The following ABR variants were observed in gnomAD, a reference collection of about 807,000 sequenced individuals.
ABR encodes the protein active breakpoint cluster region-related protein.
Under a neutral mutation model 107.2 loss-of-function variants are expected in ABR, and 35 were observed. The observed-to-expected ratio is 0.33, with a 90% CI of 0.25 to 0.43. The LOEUF (loss-of-function observed/expected upper bound fraction) is 0.43. ABR is among the 20% of genes least tolerant of loss of function. ABR has a pLI of 1.00. For synonymous variants in ABR, 498 were observed against 462.0 expected, an observed-to-expected ratio of 1.08 and a Z score of -1.00; for missense variants, 815 against 1,115.2, an observed-to-expected ratio of 0.73 and a Z score of 3.83.
intron 16 of ABR, among the ~76,000 whole-genome samples, chr17:1,026,863 A>G (rs576155998): frequency 4.7e-4 from 71 of 152,210 alleles, no homozygotes; most frequent in Non-Finnish European, 7.9e-4. Context: ...CCTCTCCAGC[A>G]CCAGCGCCCT....
rs2440047 is a variant in ABR, at chr17:1,153,650, C to T, written c.61+26017G>A. Among the ~76,000 whole-genome samples the T allele has an allele frequency of 2.5e-3, 105 of 41,488 alleles. 1 individual carries two copies. Among genetic ancestry groups the T allele is most frequent in the Middle Eastern group, 0.014 (1 of 70 alleles). 27.2% of individuals were successfully genotyped at this position (41,488 alleles called of 152,430 possible). On this transcript the variant is annotated intron_variant, in intron 1 of 22. Transcript: ENST00000302538. ...GGCACACCTACGGGAGGGCTGGGGA[C>T]CCAGGCACACCTGCGGGAGGGCTGG... is the stretch of plus-strand genomic sequence containing the variant.
At chr17:1,133,362 GT>G (rs2039928964) in intron 1 of ABR, among the ~76,000 whole-genome samples, 1 of 151,988 alleles carries the variant, frequency 6.6e-6, no homozygotes, top group Admixed American at 6.6e-5. Context: ...TATGATACTA[GT>G]TATAAATGAA....
chr17:1,124,115 T>C (rs2039479608), intron 2 of ABR, among the ~76,000 whole-genome samples: 1 of 151,978 alleles, frequency 6.6e-6, no homozygotes, highest in South Asian at 2.1e-4. Flanking sequence ...CCAAAGGCTA[T>C]AACAGCCACC....
chr17:1,012,627 C>T, intron 18 of ABR, 61 bp downstream of exon 18: 1 of 1,325,678 alleles, frequency 7.5e-7, no homozygotes, highest in Middle Eastern at 1.9e-4. Flanking sequence ...GCTGGGGGGC[C>T]CGGGCTGGGG....
chr17:1,096,708 A>C (rs2037454499), intron 3 of ABR, among the ~76,000 whole-genome samples: 1 of 139,698 alleles, frequency 7.2e-6, no homozygotes, highest in Non-Finnish European at 1.6e-5. Context: ...GGGAGGAGAG[A>C]GCTGGGGAAG....
chr17:1,049,243 C>T (rs980238998), intron 16 of ABR, among the ~76,000 whole-genome samples: 1 of 152,180 alleles, frequency 6.6e-6, no homozygotes, highest in African/African-American at 2.4e-5. Flanking sequence ...TCTCAGCTCA[C>T]TGCAACCTCT....
At chr17:1,137,560 A>G (rs993535102) in intron 1 of ABR, among the ~76,000 whole-genome samples, 2 of 152,342 alleles carry the variant, frequency 1.3e-5, no homozygotes, top group Non-Finnish European at 2.9e-5. Context: ...TGTGGTGCCC[A>G]AAACAATGAC....
In ABR at chr17:1,078,270, G is replaced by A. The variant is rs1567713927; in HGVS notation, c.700+1060C>T. On this transcript the variant is annotated intron_variant, in intron 6 of 22. Transcript: ENST00000302538. This position sits in a 1 kb window ranked among gnomAD's most constrained non-coding sequence, Gnocchi z 7.5. The stretch of plus-strand genomic sequence containing the variant: ...TCCTTCCTGCTCCCACAGCCCCTCC[G>A]TGTCCTCCGCCTACTGCTGCATGTG... 6.6e-6 allele frequency among the ~76,000 whole-genome samples: 1 copy of A among 151,990 alleles called. No individual in the cohort carries two copies. Among genetic ancestry groups the A allele is most frequent in the Admixed American group, 6.5e-5 (1 of 15,268 alleles).
intron 1 of ABR, among the ~76,000 whole-genome samples, chr17:1,207,284 GAAGT>G (rs879888533): frequency 4.0e-5 from 6 of 151,624 alleles, no homozygotes; most frequent in Admixed American, 6.6e-5. Context: ...CTCTCAAAAA[GAAGT>G]AAGGTGAGAA....
intron 12 of ABR, chr17:1,057,740 G>C (rs192275517): frequency 2.7e-4 from 137 of 505,258 alleles, no homozygotes; most frequent in African/African-American, 2.3e-3. Flanking sequence ...AGAAAGCCCA[G>C]GCTGGGCTCT....
chr17:1,060,257 A>G (rs979882105), intron 10 of ABR, among the ~76,000 whole-genome samples: 6 of 152,064 alleles, frequency 3.9e-5, no homozygotes, highest in Non-Finnish European at 7.4e-5. Context: ...CTAAAAATGC[A>G]AAAACTACCG....
At chr17:1,147,729 A>G (rs1210003565) in intron 1 of ABR, among the ~76,000 whole-genome samples, 1 of 152,008 alleles carries the variant, frequency 6.6e-6, no homozygotes, top group Non-Finnish European at 1.5e-5. Flanking sequence ...CCTTCCATGT[A>G]TGCTCAGAAG....
chr17:1,087,567 G>A (rs113486546), intron 4 of ABR, among the ~76,000 whole-genome samples: 26 of 151,968 alleles, frequency 1.7e-4, no homozygotes, highest in South Asian at 1.0e-3. Flanking sequence ...GTTTTAAAGG[G>A]GGTGGGGCCT....
chr17:1,163,741 T>C (rs879742941), intron 1 of ABR, among the ~76,000 whole-genome samples: 25 of 24,926 alleles, frequency 1.0e-3, no homozygotes, highest in South Asian at 1.9e-3. Flanking sequence ...TCGGAGCATC[T>C]AGGTGGGACC....
At chr17:1,029,703 G>A (rs2072549396) in intron 16 of ABR, among the ~76,000 whole-genome samples, 10 of 152,196 alleles carry the variant, frequency 6.6e-5, no homozygotes, top group Admixed American at 6.5e-4. Context: ...ATGTGGCTGA[G>A]GATAGAAAGC....
chr17:1,117,758 TCCCAGCGTTATCCCTGAGCCTGAGTTCTC>T (rs2039090222), intron 2 of ABR, among the ~76,000 whole-genome samples: 2 of 55,024 alleles, frequency 3.6e-5, no homozygotes, highest in Non-Finnish European at 6.9e-5. Context: ...CCTGAGTTCC[TCCCAGCGTTATCCCTGAGCCTGAGTTCTC>T]CCCAGCGTTA....
chr17:1,221,599 C>G (rs2150760658), intron 1 of ABR, among the ~76,000 whole-genome samples: 1 of 152,254 alleles, frequency 6.6e-6, no homozygotes, highest in East Asian at 1.9e-4. Context: ...CCCCTATCGA[C>G]CAATCCCAGG....
intron 1 of ABR, among the ~76,000 whole-genome samples, chr17:1,169,241 G>GC (rs1034859795): frequency 3.9e-5 from 6 of 152,192 alleles, no homozygotes; most frequent in Admixed American, 6.5e-5. Flanking sequence ...CCCTCAGGGT[G>GC]CCCCCCATGG....
rs116183706 is a variant in ABR at position 1,127,173 on chromosome 17, G to A, written c.62-1806C>T. On this transcript the variant is annotated intron_variant, in intron 1 of 22. Coordinates refer to ENST00000302538, the MANE Select transcript of ABR (RefSeq NM_021962.5). ...CCAATGCCCCATTCAGCTGCCAGGGGACATGGACTAGTTTTTTCCCTAGAC... is the reference window on the plus strand; with the variant it reads ...CCAATGCCCCATTCAGCTGCCAGGGAACATGGACTAGTTTTTTCCCTAGAC... Among the ~76,000 whole-genome samples the A allele has an allele frequency of 3.7e-3, 567 of 152,336 alleles. 4 individuals are homozygous for A. Among genetic ancestry groups the A allele is most frequent in the African/African-American group, 0.013 (533 of 41,576 alleles).
Sources: allele counts gnomAD v4.1 joint callset (sites outside exome capture counted in the v4.1 genomes callset), GRCh38; gene constraint gnomAD v4.1.1; non-coding constraint Gnocchi (gnomAD v3.1); transcripts MANE v1.5; gene names NCBI Gene and HGNC (gene_info 2026-07-23, HGNC 2026-07-21).